The following PLXNA2 variants were observed in gnomAD, a reference collection of about 807,000 sequenced individuals.
PLXNA2 encodes plexin A2.
PLXNA2 carries 91 observed loss-of-function variants against 193.5 expected under a neutral mutation model. The observed-to-expected ratio is 0.47, with a 90% confidence interval of 0.40 to 0.56. The LOEUF (loss-of-function observed/expected upper bound fraction) is 0.56. Among genes scored for constraint, PLXNA2 ranks in the 20% least tolerant of loss-of-function variants. PLXNA2 has a pLI of 0.00. For synonymous variants in PLXNA2, 997 were observed against 1,027.3 expected, an observed-to-expected ratio of 0.97 and a Z score of 0.56; for missense variants, 1,995 against 2,503.2, an observed-to-expected ratio of 0.80 and a Z score of 4.33.
At chr1:208,232,608 C>T (rs750829760) in intron 1 of PLXNA2, among the ~76,000 whole-genome samples, 4 of 152,198 alleles carry the variant, frequency 2.6e-5, no homozygotes, top group Non-Finnish European at 4.4e-5. Context: ...CAGCTGCTTC[C>T]GTCCCGTTTA....
At chr1:208,100,428 G>A (rs1667058343) in intron 5 of PLXNA2, among the ~76,000 whole-genome samples, 3 of 152,132 alleles carry the variant, frequency 2.0e-5, no homozygotes, top group Non-Finnish European at 4.4e-5. Flanking sequence ...AAAGGAGTTA[G>A]TGCTTAGAAA....
At chr1:208,065,990 T>C (rs1665782825) in intron 12 of PLXNA2, among the ~76,000 whole-genome samples, 1 of 152,162 alleles carries the variant, frequency 6.6e-6, no homozygotes, top group African/African-American at 2.4e-5. Flanking sequence ...TACTTCTGAA[T>C]GAGACACCCA....
At chr1:208,069,055 G>A (rs1209606493) in intron 12 of PLXNA2, among the ~76,000 whole-genome samples, 1 of 152,210 alleles carries the variant, frequency 6.6e-6, no homozygotes, top group Non-Finnish European at 1.5e-5. Flanking sequence ...AGCAGTCAGT[G>A]ACCACGCCCA....
chr1:208,210,211 A>G lies in PLXNA2; in HGVS notation c.1371+69T>C, dbSNP rs374145445. The G allele has an allele frequency of 3.9e-6, 6 of 1,530,698 alleles. No individual in the cohort carries two copies. The South Asian group carries it at 4.5e-5, about 12-fold the overall frequency. 94.8% of individuals were successfully genotyped at this position (1,530,698 alleles called of 1,614,324 possible). ...TATAGTTAAATCTCCACCAATAGCT[A>G]CCTTCCAAGAGGGACTCTTTGCTGA... On this transcript the variant is annotated intron_variant, in intron 3 of 31. Coordinates refer to ENST00000367033, the MANE Select transcript of PLXNA2 (RefSeq NM_025179.4).
chr1:208,151,798 G>A (rs1668772289), intron 3 of PLXNA2, among the ~76,000 whole-genome samples: 1 of 152,214 alleles, frequency 6.6e-6, no homozygotes, highest in Non-Finnish European at 1.5e-5. Context: ...GAAACTCGAA[G>A]CTGAATCTGT....
At chr1:208,152,835 G>A (rs899671904) in intron 3 of PLXNA2, among the ~76,000 whole-genome samples, 4 of 124,458 alleles carry the variant, frequency 3.2e-5, no homozygotes, top group Admixed American at 7.6e-5. Context: ...CAGCTTTTTC[G>A]TCTTCACGCC....
At chr1:208,105,096 G>A (rs891033027) in intron 4 of PLXNA2, among the ~76,000 whole-genome samples, 6 of 152,202 alleles carry the variant, frequency 3.9e-5, no homozygotes, top group Admixed American at 1.3e-4. Context: ...TGTGGAGTCC[G>A]GAGTTCAGGT....
intron 3 of PLXNA2, among the ~76,000 whole-genome samples, chr1:208,180,704 G>A (rs1669815387): frequency 6.6e-6 from 1 of 152,234 alleles, no homozygotes; most frequent in Non-Finnish European, 1.5e-5. Flanking sequence ...AGCAAGGGGT[G>A]GAAGAAGTGT....
chr1:208,183,094 C>G (rs2102550372), intron 3 of PLXNA2, among the ~76,000 whole-genome samples: 1 of 152,268 alleles, frequency 6.6e-6, no homozygotes, highest in East Asian at 1.9e-4. Context: ...TGGGGCTCCC[C>G]CTTCGTCTAG....
At chr1:208,173,008 T>C (rs979260872) in intron 3 of PLXNA2, among the ~76,000 whole-genome samples, 2 of 152,196 alleles carry the variant, frequency 1.3e-5, no homozygotes, top group Non-Finnish European at 2.9e-5. Context: ...CTCACTGGCA[T>C]ATCTGAGAGG....
intron 12 of PLXNA2, among the ~76,000 whole-genome samples, chr1:208,070,699 A>G (rs1217249397): frequency 1.3e-5 from 2 of 152,260 alleles, no homozygotes; most frequent in Non-Finnish European, 2.9e-5. Flanking sequence ...CAAGAAAGTT[A>G]TCAGACCTCA....
chr1:208,168,677 C>T (rs1454403119), intron 3 of PLXNA2, among the ~76,000 whole-genome samples: 1 of 136,872 alleles, frequency 7.3e-6, no homozygotes, highest in African/African-American at 2.7e-5. Context: ...ACTAGGGAGT[C>T]TCTAAAAGGG....
At position 208,180,965 on chromosome 1, in the gene PLXNA2, T is replaced by TTC. The variant is rs531768661; in HGVS notation, c.1371+29313_1371+29314dup. Among the ~76,000 whole-genome samples, 380 of 152,330 alleles carry TTC rather than the reference T, an allele frequency of 2.5e-3. 1 individual carries two copies. The highest frequency in any genetic ancestry group is 4.4e-3 in the Non-Finnish European group (297 of 68,022). On this transcript the variant is annotated intron_variant, in intron 3 of 31. Transcript: ENST00000367033. ...TTGAGAGGGGATGGCGGAGGCTGAC[T>TTC]TCTCTGCGACCCCAAACTCCAGCCT...
intron 4 of PLXNA2, among the ~76,000 whole-genome samples, chr1:208,138,463 C>T (rs528417970): frequency 1.3e-5 from 2 of 152,200 alleles, no homozygotes; most frequent in African/African-American, 4.8e-5. Context: ...TAGGAGGCAA[C>T]CCCATCATAA....
chr1:208,178,075 C>T (rs560165703), intron 3 of PLXNA2, among the ~76,000 whole-genome samples: 1 of 152,250 alleles, frequency 6.6e-6, no homozygotes, highest in Admixed American at 6.5e-5. Context: ...ACAGCCTCTG[C>T]CATTCTATAG....
At chr1:208,077,692 C>T (rs2102378916) in intron 12 of PLXNA2, among the ~76,000 whole-genome samples, 1 of 152,336 alleles carries the variant, frequency 6.6e-6, no homozygotes, top group South Asian at 2.1e-4. Flanking sequence ...AGGAAGCTAG[C>T]TGTCTGAGGG....
intron 3 of PLXNA2, among the ~76,000 whole-genome samples, chr1:208,202,529 T>C (rs1183161004): frequency 1.3e-5 from 2 of 152,160 alleles, no homozygotes; most frequent in Non-Finnish European, 2.9e-5. Flanking sequence ...TTATGCAAAT[T>C]GGTCCCTACC....
intron 4 of PLXNA2, among the ~76,000 whole-genome samples, chr1:208,131,147 G>T (rs1457681891): frequency 6.6e-6 from 1 of 152,134 alleles, no homozygotes; most frequent in Non-Finnish European, 1.5e-5. Flanking sequence ...GAGGGACCTT[G>T]CCAAGTCCCG....
At chr1:208,201,973 A>ATTTTTTTTTTTTTTTTTTTTTTTTTTTTT (rs59313982) in intron 3 of PLXNA2, among the ~76,000 whole-genome samples, 1 of 132,626 alleles carries the variant, frequency 7.5e-6, no homozygotes. Flanking sequence ...CAGGGCAAGA[A>ATTTTTTTTTTTTTTTTTTTTTTTTTTTTT]TTTTTTTTTT....
Sources: allele counts gnomAD v4.1 joint callset (sites outside exome capture counted in the v4.1 genomes callset), GRCh38; gene constraint gnomAD v4.1.1; transcripts MANE v1.5; gene names NCBI Gene and HGNC (gene_info 2026-07-23, HGNC 2026-07-21).